Variants in AHNAK observed in about 807,000 individuals in gnomAD.
AHNAK encodes AHNAK nucleoprotein, also known as neuroblast differentiation-associated protein AHNAK.
Under a neutral mutation model 37.8 loss-of-function variants are expected in AHNAK, and 23 were observed. The observed-to-expected ratio is 0.61, with a 90% CI of 0.44 to 0.86. The LOEUF (loss-of-function observed/expected upper bound fraction) is 0.86. Among genes scored for constraint, AHNAK ranks in the 40% least tolerant of loss-of-function variants. The probability of loss-of-function intolerance (pLI) is 0.00; values close to 1 mark genes in which losing one functional copy is unlikely to be tolerated. For synonymous variants in AHNAK, 2,481 were observed against 2,636.3 expected (o/e 0.94, Z 1.80); for missense variants, 7,411 against 7,319.4 (o/e 1.01, Z -0.46).
chr11:62,509,287 G>T (rs183631626), intron 4 of AHNAK, among the ~76,000 whole-genome samples: 14 of 152,248 alleles, frequency 9.2e-5, no homozygotes. Flanking sequence ...GAAATAAACA[G>T]CCGGGCACGG....
intron 4 of AHNAK, among the ~76,000 whole-genome samples, chr11:62,509,242 A>AC (rs1939865196): frequency 6.8e-6 from 1 of 147,858 alleles, no homozygotes; most frequent in East Asian, 1.9e-4. Flanking sequence ...GCCATGCATG[A>AC]CAAAAAAAAA....
intron 4 of AHNAK, among the ~76,000 whole-genome samples, chr11:62,503,022 G>A (rs1379069281): frequency 1.3e-5 from 2 of 152,150 alleles, no homozygotes; most frequent in East Asian, 1.9e-4. Context: ...TACAGTTCAC[G>A]CTGGCTTACT....
At chr11:62,543,081 G>A (rs1213088003) in intron 1 of AHNAK, among the ~76,000 whole-genome samples, 1 of 151,946 alleles carries the variant, frequency 6.6e-6, no homozygotes, top group Non-Finnish European at 1.5e-5. Flanking sequence ...CAGAACCTCC[G>A]CTCCAGCCCC....
intron 5 of AHNAK, among the ~76,000 whole-genome samples, chr11:62,443,574 G>T (rs1254762589): frequency 2.6e-5 from 4 of 152,170 alleles, no homozygotes; most frequent in South Asian, 4.1e-4. Flanking sequence ...GCCCGGCTGG[G>T]TCTTGCTCAT....
At chr11:62,467,851 CA>C (rs1412150057) in intron 5 of AHNAK, among the ~76,000 whole-genome samples, 1 of 152,158 alleles carries the variant, frequency 6.6e-6, no homozygotes, top group East Asian at 1.9e-4. Flanking sequence ...TTCAGTGGCC[CA>C]AAATGTCATT....
In AHNAK at chr11:62,525,451, T is replaced by G; in HGVS notation, c.8966A>C (p.Glu2989Ala). ...GDVDISLPKV[E>A]GDLKGPEVDI... ...AACTTCAGGGCCCTTGAGGTCACCT[T>G]CCACTTTGGGCAGAGAAATATCCAC... The change falls in exon 5 of 5, where the codon GAA (glutamate) becomes GCA (alanine). Residue 2989 changes from glutamate to alanine, a missense_variant. By Grantham distance (107) the Glu-to-Ala change is moderately radical (BLOSUM62 -1). Coordinates refer to ENST00000378024, the MANE Select transcript of AHNAK (RefSeq NM_001620.3). The G allele has an allele frequency of 6.2e-7, 1 of 1,613,736 alleles. No homozygotes were observed. The highest frequency in any genetic ancestry group is 2.2e-5 in the East Asian group (1 of 44,822).
At chr11:62,536,754 C>A (rs1277250892) in intron 1 of AHNAK, among the ~76,000 whole-genome samples, 187 bp from the exon 2 acceptor site, 1 of 152,116 alleles carries the variant, frequency 6.6e-6, no homozygotes, top group Non-Finnish European at 1.5e-5. Flanking sequence ...TTCAGAGGAG[C>A]CAGACTTGCA....
intron 4 of AHNAK, 129 bp from the exon 5 acceptor site, chr11:62,534,203 G>C (rs1297766139): frequency 1.0e-5 from 9 of 893,214 alleles, no homozygotes; most frequent in Non-Finnish European, 1.5e-5. Flanking sequence ...GAGGTCCATG[G>C]AGCCTCCTGG....
chr11:62,514,218 CCCA>C (rs1312980188), downstream of AHNAK, among the ~76,000 whole-genome samples: 9 of 152,248 alleles, frequency 5.9e-5, no homozygotes, highest in East Asian at 1.5e-3. Flanking sequence ...GCACACTCAC[CCCA>C]CCGTCACCCA....
intron 4 of AHNAK, among the ~76,000 whole-genome samples, chr11:62,509,748 C>A (rs1939876080): frequency 6.6e-6 from 1 of 152,046 alleles, no homozygotes; most frequent in Non-Finnish European, 1.5e-5. Context: ...GAAACCCCGT[C>A]TCTACTAAAA....
intron 5 of AHNAK, among the ~76,000 whole-genome samples, chr11:62,435,069 A>G (rs1938131064): frequency 6.6e-6 from 1 of 151,916 alleles, no homozygotes; most frequent in South Asian, 2.1e-4. Context: ...CACCCTTCCC[A>G]AACTTTACCT....
chr11:62,495,101 A>G (rs1488312186), intron 4 of AHNAK, among the ~76,000 whole-genome samples: 1 of 152,074 alleles, frequency 6.6e-6, no homozygotes, highest in East Asian at 1.9e-4. Context: ...AGGGAAGTCA[A>G]GGCTACAGTG....
Position 62,524,157 on chromosome 11 carries a change from C to T in AHNAK, c.10260G>A (p.Val3420=). The change falls in exon 5 of 5, where the codon GTG becomes GTA. Residue 3420 remains valine, a synonymous_variant. Transcript: ENST00000378024. ...CTTTGGGACTTTTCAAATTTAGCTC[C>T]ACGTCAGGCATAGAAACTTTGGGAG... ...ISSPKVSMPD[V]ELNLKSPKVK... 6.2e-7 allele frequency: 1 copy of T among 1,614,072 alleles called. No individual in the cohort carries two copies. Among genetic ancestry groups the T allele is most frequent in the South Asian group, 1.1e-5 (1 of 91,056 alleles).
intron 5 of AHNAK, among the ~76,000 whole-genome samples, chr11:62,444,341 C>A (rs2134787343): frequency 6.6e-6 from 1 of 152,348 alleles, no homozygotes; most frequent in South Asian, 2.1e-4. Context: ...CCGGCCTCTG[C>A]CACAGCTGGG....
intron 5 of AHNAK, among the ~76,000 whole-genome samples, chr11:62,435,865 C>T (rs955191608): frequency 6.6e-6 from 1 of 152,288 alleles, no homozygotes; most frequent in East Asian, 1.9e-4. Context: ...TCTACACTAC[C>T]TTTTATTGCA....
chr11:62,521,449 T>C lies in AHNAK; in HGVS notation c.12968A>G (p.Lys4323Arg). The C allele has an allele frequency of 6.2e-7, 1 of 1,613,178 alleles. No homozygotes were observed. The part of the protein sequence containing the change: ...HLKMPKVKMP[K>R]FSMPGFKGEG... ...TCCTTTGAATCCTGGCATGCTGAAT[T>C]TGGGCATTTTCACCTTGGGCATCTT... Residue 4323 changes from lysine to arginine, a missense_variant, in exon 5 of 5, where the codon AAA becomes AGA. Physicochemically the swap from Lys to Arg is conservative, Grantham distance 26 (BLOSUM62 2). Coordinates refer to ENST00000378024, the MANE Select transcript of AHNAK (RefSeq NM_001620.3).
chr11:62,490,795 G>C (rs1939493314), intron 5 of AHNAK, among the ~76,000 whole-genome samples: 1 of 149,436 alleles, frequency 6.7e-6, no homozygotes, highest in Non-Finnish European at 1.5e-5. Flanking sequence ...GTTTTGTTTT[G>C]TTTTTTTGGG....
At chr11:62,503,861 T>C (rs952284457) in intron 4 of AHNAK, among the ~76,000 whole-genome samples, 1 of 152,088 alleles carries the variant, frequency 6.6e-6, no homozygotes, top group Non-Finnish European at 1.5e-5. Flanking sequence ...ATAACTTCTT[T>C]TAAAGTCCCT....
intron 5 of AHNAK, among the ~76,000 whole-genome samples, chr11:62,434,504 G>T (rs746268227): frequency 6.6e-6 from 1 of 152,030 alleles, no homozygotes; most frequent in South Asian, 2.1e-4. Context: ...CCATGAATGC[G>T]CAGGTTGTCC....
Sources: gnomAD v4.1 joint callset for allele counts (sites outside exome capture counted in the v4.1 genomes callset) on GRCh38, gnomAD v4.1.1 for gene constraint, MANE v1.5 for transcripts, NCBI Gene and HGNC (gene_info 2026-07-23, HGNC 2026-07-21) for gene names.